The following MLPH variants were observed in gnomAD, a reference collection of about 807,000 sequenced individuals.
MLPH encodes exophilin-3.
MLPH carries 51 observed loss-of-function variants against 72.1 expected under a neutral mutation model. The observed-to-expected ratio is 0.71, with a 90% CI of 0.56 to 0.89. The LOEUF (loss-of-function observed/expected upper bound fraction) is 0.89. Among genes scored for constraint, MLPH ranks in the 40% least tolerant of loss-of-function variants. The pLI is 0.00. For synonymous variants in MLPH, 301 were observed against 310.1 expected (o/e 0.97, Z 0.31); for missense variants, 743 against 759.9 (o/e 0.98, Z 0.26).
chr2:237,526,934 A>G (rs1471314335), intron 7 of MLPH, among the ~76,000 whole-genome samples: 1 of 152,216 alleles, frequency 6.6e-6, no homozygotes, highest in Middle Eastern at 3.2e-3. Flanking sequence ...TCCTCATTGT[A>G]CAAAAGGGGT....
At chr2:237,501,664 TAAAAAAAAAAA>T (rs58268748) in intron 2 of MLPH, among the ~76,000 whole-genome samples, 8 of 63,562 alleles carry the variant, frequency 1.3e-4, no homozygotes, top group East Asian at 3.7e-4. Flanking sequence ...ACGTCTCTAC[TAAAAAAAAAAA>T]AAAAAAAAAA....
chr2:237,521,363 G>A (rs146631941), intron 6 of MLPH, among the ~76,000 whole-genome samples: 2 of 152,284 alleles, frequency 1.3e-5, no homozygotes, highest in African/African-American at 4.8e-5. Flanking sequence ...CAAGGCTGCT[G>A]ATAACAAGGG....
chr2:237,490,949 T>C (rs2079417706), intron 1 of MLPH, among the ~76,000 whole-genome samples: 1 of 152,194 alleles, frequency 6.6e-6, no homozygotes, highest in African/African-American at 2.4e-5. Flanking sequence ...GACGAATGGG[T>C]GCAAAAAAAT....
chr2:237,486,800 T>C (rs2079325623), upstream of MLPH: 1 of 152,266 alleles, frequency 6.6e-6, no homozygotes, highest in African/African-American at 2.4e-5. Flanking sequence ...TTATTTGGCG[T>C]TGCCACTTAC....
At chr2:237,497,492 G>C (rs556756754) in intron 2 of MLPH, among the ~76,000 whole-genome samples, 1 of 152,190 alleles carries the variant, frequency 6.6e-6, no homozygotes, top group Non-Finnish European at 1.5e-5. Context: ...CCAGCGTGTG[G>C]GCACGCATCA....
At position 237,549,327 on chromosome 2, in the gene MLPH, C is replaced by T. The variant is rs146535826; in HGVS notation, c.1675+49C>T. 866 of 1,528,288 alleles carry T rather than the reference C, an allele frequency of 5.7e-4. 6 individuals are homozygous for T. In the African/African-American group the frequency reaches 0.011, roughly 19 times the overall value. 94.7% of individuals were successfully genotyped at this position (1,528,288 alleles called of 1,614,324 possible). On this transcript the variant is annotated intron_variant, in intron 14 of 15. Coordinates refer to ENST00000264605, the MANE Select transcript of MLPH (RefSeq NM_024101.7). ...CCCCATGGGCCTGGGAAATGAGCTT[C>T]GGGGAGGAAAATGACCAGTCGCAGC...
intron 4 of MLPH, among the ~76,000 whole-genome samples, chr2:237,516,100 G>A (rs533583313): frequency 6.6e-6 from 1 of 152,390 alleles, no homozygotes; most frequent in South Asian, 2.1e-4. Flanking sequence ...GAGGCACAGA[G>A]AGCAAGGGGC....
At chr2:237,508,708 T>C (rs769803507) in intron 2 of MLPH, among the ~76,000 whole-genome samples, 19 of 152,176 alleles carry the variant, frequency 1.2e-4, no homozygotes, top group Non-Finnish European at 2.6e-4. Context: ...ATTGTGCCCA[T>C]TTCCCCCTCC....
At chr2:237,522,898 G>C (rs570496586) in intron 6 of MLPH, among the ~76,000 whole-genome samples, 9 of 152,184 alleles carry the variant, frequency 5.9e-5, no homozygotes, top group African/African-American at 1.9e-4. Context: ...CTGCTTGAGG[G>C]CTGCTGTATT....
chr2:237,498,072 T>C (rs2079572797), intron 2 of MLPH, among the ~76,000 whole-genome samples: 1 of 151,458 alleles, frequency 6.6e-6, no homozygotes, highest in African/African-American at 2.4e-5. Flanking sequence ...AGAACAGGGG[T>C]GGGGGAATTG....
chr2:237,496,971 C>T (rs1159312097), intron 2 of MLPH, among the ~76,000 whole-genome samples: 2 of 152,078 alleles, frequency 1.3e-5, no homozygotes, highest in Non-Finnish European at 2.9e-5. Flanking sequence ...CTTTTTGGTA[C>T]CAGAGACCGG....
intron 1 of MLPH, among the ~76,000 whole-genome samples, chr2:237,490,773 T>G (rs958625757): frequency 6.6e-6 from 1 of 152,180 alleles, no homozygotes; most frequent in Admixed American, 6.5e-5. Context: ...AACCAGAAAG[T>G]GTGTGCTCTG....
intron 8 of MLPH, among the ~76,000 whole-genome samples, chr2:237,530,100 C>T (rs74727763): frequency 0.018 from 2,676 of 152,326 alleles, 47 homozygotes; most frequent in South Asian, 0.067. Flanking sequence ...GTGCACAGGA[C>T]GACCTGAGAT....
At chr2:237,515,460 T>C (rs1014702911) in intron 4 of MLPH, among the ~76,000 whole-genome samples, 3 of 152,110 alleles carry the variant, frequency 2.0e-5, no homozygotes, top group Non-Finnish European at 4.4e-5. Flanking sequence ...GGGAGGAGTT[T>C]CCTGCAGAGG....
In MLPH at chr2:237,554,157, C is replaced by A. The variant is rs1425578194; in HGVS notation, c.*565C>A. On this transcript the variant is annotated 3_prime_UTR_variant, in exon 16 of 16. Transcript: ENST00000264605. ...ACCCCAGTCCCCACCCTACGTGCAC[C>A]CGCTCTGCAAGTTCCCATGTGATCT... The A allele has an allele frequency of 4.2e-6, 1 of 237,598 alleles. No homozygotes were observed. Among genetic ancestry groups the A allele is most frequent in the Non-Finnish European group, 8.4e-6 (1 of 119,308 alleles). 14.7% of individuals were successfully genotyped at this position (237,598 alleles called of 1,614,324 possible). A position where few individuals can be genotyped will look rare whatever the true frequency, so the allele number is the denominator to read the frequency against.
chr2:237,518,793 C>T, intron 5 of MLPH, 145 bp downstream of exon 5: 1 of 711,308 alleles, frequency 1.4e-6, no homozygotes, highest in Non-Finnish European at 2.5e-6. Flanking sequence ...ATCTGCTGCC[C>T]TTTCCCAGGC....
chr2:237,528,620 A>G, intron 8 of MLPH, among the ~76,000 whole-genome samples: 1 of 151,992 alleles, frequency 6.6e-6, no homozygotes, highest in Non-Finnish European at 1.5e-5. Flanking sequence ...CAAAGTGCTG[A>G]CATTACAAGC....
intron 2 of MLPH, among the ~76,000 whole-genome samples, chr2:237,501,676 A>C (rs2079652395): frequency 2.3e-5 from 3 of 131,596 alleles, no homozygotes; most frequent in African/African-American, 7.7e-5. Context: ...AAAAAAAAAA[A>C]AAAAAAAAAA....
At position 237,510,287 on chromosome 2, in the gene MLPH, A is replaced by G. The variant is rs542935900; in HGVS notation, c.111-287A>G. ...TGACCTGCCAACCAAAATTGGTACA[A>G]TTGTAAACAGCCACAGAAATGCTTA... is the stretch of plus-strand genomic sequence containing the variant. On this transcript the variant is annotated intron_variant, in intron 2 of 15. Transcript: ENST00000264605. The surrounding 1 kb of genome is among the most constrained non-coding windows in gnomAD (Gnocchi z 4.4). 6.4e-6 allele frequency: 3 copies of G among 470,606 alleles called. No homozygotes were observed. The highest frequency in any genetic ancestry group is 4.2e-5 in the East Asian group (1 of 23,866). 29.2% of individuals were successfully genotyped at this position (470,606 alleles called of 1,614,324 possible).
Sources: allele counts gnomAD v4.1 joint callset (sites outside exome capture counted in the v4.1 genomes callset), GRCh38; gene constraint gnomAD v4.1.1; non-coding constraint Gnocchi (gnomAD v3.1); transcripts MANE v1.5; gene names NCBI Gene and HGNC (gene_info 2026-07-23, HGNC 2026-07-21).